Variants in COP1 observed in about 807,000 individuals in gnomAD.
COP1 encodes COP1 E3 ubiquitin ligase, also known as E3 ubiquitin-protein ligase COP1.
A neutral mutation model predicts 101.3 loss-of-function variants in COP1; 24 were observed. That is an observed-to-expected ratio of 0.24 (90% CI 0.17 to 0.33). COP1 has a LOEUF of 0.33. Among genes scored for constraint, COP1 ranks in the 10% least tolerant of loss-of-function variants. The pLI is 1.00. For missense variants in COP1, 663 were observed against 906.2 expected (o/e 0.73, Z 3.45); for synonymous variants, 347 against 341.9 (o/e 1.01, Z -0.17).
At chr1:176,165,880 A>G (rs1224522175) in intron 3 of COP1, among the ~76,000 whole-genome samples, 1 of 152,168 alleles carries the variant, frequency 6.6e-6, no homozygotes, top group African/African-American at 2.4e-5. Context: ...GATAAAGGAG[A>G]GAGCATGAAA....
chr1:176,130,197 A>T (rs191925420), intron 8 of COP1, among the ~76,000 whole-genome samples: 6 of 151,842 alleles, frequency 4.0e-5, no homozygotes, highest in African/African-American at 1.4e-4. Flanking sequence ...GTTTTGCTTT[A>T]TTATTTAAAT....
At position 176,051,943 on chromosome 1, in the gene COP1, A is replaced by C. The variant is rs541303629; in HGVS notation, c.1278-5619T>G. On this transcript the variant is annotated intron_variant, in intron 11 of 19. Coordinates refer to ENST00000367669, the MANE Select transcript of COP1 (RefSeq NM_022457.7). ...CAAAAAAAAATTTTTAAGTTATAAA[A>C]TAAAAAGGTTACAGTAAGCTAAGGT... Among the ~76,000 whole-genome samples the C allele has an allele frequency of 2.0e-5, 3 of 152,334 alleles. No homozygotes were observed. The East Asian group carries it at 5.8e-4, about 29-fold the overall frequency.
intron 14 of COP1, among the ~76,000 whole-genome samples, chr1:176,034,618 C>T (rs966243351): frequency 5.3e-5 from 8 of 152,074 alleles, no homozygotes; most frequent in African/African-American, 9.7e-5. Flanking sequence ...GATAAAGAGT[C>T]GGGGAGAAAC....
Position 176,149,039 on chromosome 1 carries a change from T to C in COP1, c.798A>G (p.Glu266=). Residue 266 remains glutamate, a synonymous_variant, in exon 6 of 20, where the codon GAA becomes GAG. Coordinates refer to ENST00000367669, the MANE Select transcript of COP1 (RefSeq NM_022457.7). Reference sequence around the variant, plus strand: ...TATTTCTTCTTGCAACCTTGAGGAATTCCATAAGAATCTGTAGTTGGGCTG... The same window carrying C: ...TATTTCTTCTTGCAACCTTGAGGAACTCCATAAGAATCTGTAGTTGGGCTG... The part of the protein sequence containing the change: ...SHAAQLQILM[E]FLKVARRNKR... The C allele has an allele frequency of 1.3e-6, 2 of 1,588,908 alleles. No homozygotes were observed. Among genetic ancestry groups the C allele is most frequent in the Non-Finnish European group, 8.6e-7 (1 of 1,163,558 alleles).
At chr1:176,037,142 C>T (rs931719605) in intron 14 of COP1, among the ~76,000 whole-genome samples, 1 of 152,178 alleles carries the variant, frequency 6.6e-6, no homozygotes, top group Admixed American at 6.5e-5. Context: ...GTGGCTCAAG[C>T]CTGTAATCCC....
At position 176,012,537 on chromosome 1, in the gene COP1, A is replaced by C. The variant is rs145356037; in HGVS notation, c.1729+15035T>G. Among the ~76,000 whole-genome samples, 456 of 152,366 alleles carry C rather than the reference A, an allele frequency of 3.0e-3. 2 individuals are homozygous for C. Among genetic ancestry groups the C allele is most frequent in the African/African-American group, 0.01 (429 of 41,588 alleles). On this transcript the variant is annotated intron_variant, in intron 15 of 19. Transcript: ENST00000367669. ...ATTACTAAACAAAGAACTATTAACA[A>C]ATAAATTTAGTATAGCCTAAGTATA... is the stretch of plus-strand genomic sequence containing the variant.
rs1453642681 is a variant in COP1 at position 176,138,824 on chromosome 1, T to A, written c.832-2277A>T. ...CTCCACCATCACTGAGGCCTTTGGG[T>A]TCATGGACATTTTCAACTCCAGCAT... On this transcript the variant is annotated intron_variant, in intron 6 of 19. Transcript: ENST00000367669. Among the ~76,000 whole-genome samples, 4 of 152,068 alleles carry A rather than the reference T, an allele frequency of 2.6e-5. No homozygotes were observed. In the East Asian group the frequency reaches 7.7e-4, roughly 29 times the overall value.
intron 11 of COP1, 125 bp from the exon 12 acceptor site, chr1:176,046,449 C>T: frequency 1.2e-6 from 1 of 817,350 alleles, no homozygotes; most frequent in Non-Finnish European, 1.9e-6. Flanking sequence ...GACCTCATAT[C>T]CAGATTAAGT....
chr1:175,966,344 A>G (rs1652037266), intron 18 of COP1, among the ~76,000 whole-genome samples: 1 of 152,092 alleles, frequency 6.6e-6, no homozygotes, highest in African/African-American at 2.4e-5. Context: ...TCATTATCAC[A>G]TATTTATTGA....
chr1:175,988,425 AC>A lies in COP1; in HGVS notation c.1848-14del. 1 of 1,582,630 alleles carries A rather than the reference AC, an allele frequency of 6.3e-7. No individual in the cohort carries two copies. The highest frequency in any genetic ancestry group is 8.6e-7 in the Non-Finnish European group (1 of 1,161,894). On this transcript the variant is annotated splice_polypyrimidine_tract_variant and intron_variant, in intron 16 of 19. Transcript: ENST00000367669. Reference sequence around the variant, plus strand: ...ACTGTCTGTTGAGCTGAGGAAAAGTACAAAGAGTAAGAACTTACTTAAAATT... The same window carrying A: ...ACTGTCTGTTGAGCTGAGGAAAAGTAAAAGAGTAAGAACTTACTTAAAATT...
intron 11 of COP1, among the ~76,000 whole-genome samples, chr1:176,065,755 T>TG (rs147914656): frequency 0.11 from 16,576 of 149,810 alleles, 1,024 homozygotes; most frequent in Middle Eastern, 0.17. Context: ...TTGCCTAGGT[T>TG]GGAGTGCAGT....
At chr1:176,160,377 A>G (rs1289000981) in intron 5 of COP1, 1 of 251,114 alleles carries the variant, frequency 4.0e-6, no homozygotes, top group Non-Finnish European at 7.9e-6. Flanking sequence ...CTTCATGACT[A>G]AAACATCAAA....
Position 176,027,666 on chromosome 1 carries a change from T to C in COP1, c.1635A>G (p.Leu545=), listed in dbSNP as rs755373854. 45 of 1,611,350 alleles carry C rather than the reference T, an allele frequency of 2.8e-5. No individual in the cohort carries two copies. The highest frequency in any genetic ancestry group is 3.7e-5 in the Non-Finnish European group (43 of 1,177,656). ...CCTCAATGCTTGCCACTGAGTTGTC[T>C]AGATTGGTAGACCACAGCTTCACTA... ...DAKVKLWSTN[L]DNSVASIEAK... Residue 545 remains leucine (L), a synonymous_variant, in exon 15 of 20, where the codon CTA becomes CTG. Coordinates refer to ENST00000367669, the MANE Select transcript of COP1 (RefSeq NM_022457.7).
At chr1:176,003,375 T>C (rs1012315186) in intron 15 of COP1, among the ~76,000 whole-genome samples, 1 of 152,084 alleles carries the variant, frequency 6.6e-6, no homozygotes, top group African/African-American at 2.4e-5. Flanking sequence ...TTTGTCAATT[T>C]TGGCTTTTGT....
At chr1:175,988,652 G>A in intron 16 of COP1, 1 of 355,738 alleles carries the variant, frequency 2.8e-6, no homozygotes. Context: ...GGCCAACATA[G>A]CAAAACACCG....
intron 8 of COP1, among the ~76,000 whole-genome samples, chr1:176,128,066 T>TAAAA (rs939202371): frequency 3.9e-5 from 6 of 152,112 alleles, no homozygotes; most frequent in African/African-American, 1.4e-4. Flanking sequence ...TTACTCATTT[T>TAAAA]AAAAATAGGG....
At chr1:175,997,558 AAC>A (rs1368386357) in intron 15 of COP1, among the ~76,000 whole-genome samples, 1 of 151,948 alleles carries the variant, frequency 6.6e-6, no homozygotes, top group Admixed American at 6.5e-5. Flanking sequence ...ACAAGAAAAA[AAC>A]AAACAACCCC....
chr1:176,012,503 G>A (rs1439320811), intron 15 of COP1, among the ~76,000 whole-genome samples: 4 of 152,094 alleles, frequency 2.6e-5, no homozygotes, highest in Non-Finnish European at 5.9e-5. Flanking sequence ...ATTAAGCTAA[G>A]GTTAATTTAT....
At chr1:176,176,079 G>A in intron 2 of COP1, 72 bp from the exon 3 acceptor site, 2 of 743,300 alleles carry the variant, frequency 2.7e-6, no homozygotes, top group African/African-American at 1.8e-5. Flanking sequence ...ACAAAATAAT[G>A]ACTATTAGTC....
Sources: gnomAD v4.1 joint callset for allele counts (sites outside exome capture counted in the v4.1 genomes callset) on GRCh38, gnomAD v4.1.1 for gene constraint, MANE v1.5 for transcripts, NCBI Gene and HGNC (gene_info 2026-07-23, HGNC 2026-07-21) for gene names.